INVS: variants seen among roughly 807,000 people sequenced by gnomAD.
INVS encodes inversin, also known as inversion of embryo turning homolog.
Under a neutral mutation model 108.8 loss-of-function variants are expected in INVS, and 86 were observed. The ratio of observed to expected loss-of-function variants is 0.79; its 90% CI spans 0.66 to 0.95. The LOEUF is 0.95. Among genes scored for constraint, INVS ranks in the 40% least tolerant of loss-of-function variants. The probability of loss-of-function intolerance (pLI) is 0.00; values close to 1 mark genes in which losing one functional copy is unlikely to be tolerated. For missense variants in INVS, 1,169 were observed against 1,297.4 expected, an observed-to-expected ratio of 0.90 and a Z score of 1.52; for synonymous variants, 455 against 473.5, an observed-to-expected ratio of 0.96 and a Z score of 0.51.
At chr9:100,176,101 C>A in intron 3 of INVS, 1 of 463,268 alleles carries the variant, frequency 2.2e-6, no homozygotes, top group Non-Finnish European at 4.1e-6. Context: ...TGGGCACTGG[C>A]TGAATCCTTC....
At chr9:100,231,322 A>G (rs1831505414) in intron 5 of INVS, among the ~76,000 whole-genome samples, 1 of 152,004 alleles carries the variant, frequency 6.6e-6, no homozygotes, top group Non-Finnish European at 1.5e-5. Context: ...TTTTCCTTCT[A>G]AAGTTATTAT....
intron 5 of INVS, among the ~76,000 whole-genome samples, chr9:100,238,689 T>G (rs762217137): frequency 4.6e-5 from 7 of 152,224 alleles, no homozygotes; most frequent in Non-Finnish European, 1.0e-4. Context: ...GTCTTCGAGT[T>G]TACTAAGTTT....
At chr9:100,251,404 G>A (rs1311696327) in intron 8 of INVS, among the ~76,000 whole-genome samples, 1 of 152,230 alleles carries the variant, frequency 6.6e-6, no homozygotes, top group Non-Finnish European at 1.5e-5. Flanking sequence ...AACCTATAGA[G>A]GGATGGCATA....
At chr9:100,151,464 G>C (rs1828805797) in intron 3 of INVS, among the ~76,000 whole-genome samples, 1 of 152,008 alleles carries the variant, frequency 6.6e-6, no homozygotes. Flanking sequence ...GGACAACAGA[G>C]TGAGACCCTG....
Position 100,221,981 on chromosome 9 carries a change from A to C in INVS, c.274-4081A>C, listed in dbSNP as rs552019931. On this transcript the variant is annotated intron_variant, in intron 3 of 16. Transcript: ENST00000262457. The stretch of plus-strand genomic sequence containing the variant: ...GGTTTGGTGCTATCTGCAGTTTCAG[A>C]TATTCACTGGGGATCTTGGAATGTA... Among the ~76,000 whole-genome samples the C allele has an allele frequency of 1.2e-4, 19 of 152,340 alleles. No individual in the cohort carries two copies. The South Asian group carries it at 3.5e-3, about 28-fold the overall frequency.
chr9:100,238,052 T>C (rs1753572407), intron 5 of INVS, among the ~76,000 whole-genome samples: 1 of 152,112 alleles, frequency 6.6e-6, no homozygotes, highest in Non-Finnish European at 1.5e-5. Flanking sequence ...CTAATTTTTA[T>C]ATTTTTAGTA....
chr9:100,124,145 T>C (rs531835521), intron 2 of INVS, among the ~76,000 whole-genome samples: 1 of 151,550 alleles, frequency 6.6e-6, no homozygotes, highest in African/African-American at 2.4e-5. Context: ...TTGTATAGTT[T>C]GTTTTCATTG....
chr9:100,122,671 T>C (rs1052927722), intron 2 of INVS, among the ~76,000 whole-genome samples: 1 of 142,274 alleles, frequency 7.0e-6, no homozygotes, highest in Non-Finnish European at 1.5e-5. Context: ...GCAAGCTCCG[T>C]CTCCCGGGTT....
chr9:100,277,933 C>T (rs1221890032), intron 12 of INVS, among the ~76,000 whole-genome samples: 1 of 152,042 alleles, frequency 6.6e-6, no homozygotes, highest in Non-Finnish European at 1.5e-5. Flanking sequence ...TCTCCACAAT[C>T]GTATATAAGG....
At chr9:100,252,534 C>G in intron 9 of INVS, 96 bp downstream of exon 9, 1 of 1,150,656 alleles carries the variant, frequency 8.7e-7, no homozygotes, top group Non-Finnish European at 1.3e-6. Flanking sequence ...CAGAAAGCTG[C>G]ACAAGTACAA....
Position 100,240,257 on chromosome 9 carries a change from A to T in INVS, c.796+17A>T, listed in dbSNP as rs762228638. 3 of 1,602,440 alleles carry T rather than the reference A, an allele frequency of 1.9e-6. No homozygotes were observed. In the South Asian group the frequency reaches 3.3e-5, roughly 18 times the overall value. On this transcript the variant is annotated intron_variant, in intron 6 of 16. Transcript: ENST00000262457. Reference sequence around the variant, plus strand: ...CTTTATTAGGTACGTGACTCAAAGGATCAACAGTAAAAGGAACTTCATGAG... The same window carrying T: ...CTTTATTAGGTACGTGACTCAAAGGTTCAACAGTAAAAGGAACTTCATGAG...
chr9:100,221,835 C>A (rs1331559701), intron 3 of INVS, among the ~76,000 whole-genome samples: 1 of 152,140 alleles, frequency 6.6e-6, no homozygotes, highest in Non-Finnish European at 1.5e-5. Context: ...TTTTCATACA[C>A]TATATTATTA....
At chr9:100,249,843 G>A (rs1041998195) in intron 8 of INVS, among the ~76,000 whole-genome samples, 1 of 149,710 alleles carries the variant, frequency 6.7e-6, no homozygotes, top group Non-Finnish European at 1.5e-5. Flanking sequence ...GGTAGCTCAC[G>A]CCTGTAATCC....
chr9:100,284,889 T>G (rs2065997), intron 13 of INVS, among the ~76,000 whole-genome samples: 1 of 151,942 alleles, frequency 6.6e-6, no homozygotes, highest in African/African-American at 2.4e-5. Flanking sequence ...TTCCATTCAC[T>G]TTGTCCACTT....
chr9:100,117,803 G>A (rs1238397223), intron 2 of INVS, among the ~76,000 whole-genome samples: 1 of 152,162 alleles, frequency 6.6e-6, no homozygotes, highest in Non-Finnish European at 1.5e-5. Flanking sequence ...TCAATGTGAT[G>A]ATATTAGGAG....
chr9:100,193,342 A>G (rs1366482978), intron 3 of INVS, among the ~76,000 whole-genome samples: 1 of 152,186 alleles, frequency 6.6e-6, no homozygotes, highest in Non-Finnish European at 1.5e-5. Context: ...AAAATTTTGC[A>G]AAAATATACA....
chr9:100,253,296 T>C (rs1832300768), intron 10 of INVS, among the ~76,000 whole-genome samples, 160 bp downstream of exon 10: 1 of 152,192 alleles, frequency 6.6e-6, no homozygotes, highest in African/African-American at 2.4e-5. Context: ...TCTTCCAGTC[T>C]TTTTCTATAT....
intron 3 of INVS, among the ~76,000 whole-genome samples, chr9:100,195,361 A>G (rs1247431584): frequency 6.6e-6 from 1 of 152,170 alleles, no homozygotes; most frequent in Non-Finnish European, 1.5e-5. Context: ...TTAAAAAAAT[A>G]TATAGAGATG....
At chr9:100,272,160 G>A (rs536893459) in intron 11 of INVS, among the ~76,000 whole-genome samples, 17 of 152,100 alleles carry the variant, frequency 1.1e-4, no homozygotes, top group Admixed American at 2.6e-4. Context: ...GAGCCTCTGC[G>A]CCCAGCCCTT....
Sources: gnomAD v4.1 joint callset for allele counts (sites outside exome capture counted in the v4.1 genomes callset) on GRCh38, gnomAD v4.1.1 for gene constraint, MANE v1.5 for transcripts, NCBI Gene and HGNC (gene_info 2026-07-23, HGNC 2026-07-21) for gene names.